HFM1: variants seen among roughly 807,000 people sequenced by gnomAD.
HFM1 encodes probable ATP-dependent DNA helicase HFM1.
Under a neutral mutation model 192.1 loss-of-function variants are expected in HFM1, and 169 were observed. The observed-to-expected ratio is 0.88, with a 90% CI of 0.78 to 1.00. The LOEUF is 1.00. Ranked by LOEUF, HFM1 falls within the 50% of genes least tolerant of loss-of-function variation. HFM1 has a pLI of 0.00. For missense variants in HFM1, 1,661 were observed against 1,668.0 expected, an observed-to-expected ratio of 1.00 and a Z score of 0.07; for synonymous variants, 525 against 537.8, an observed-to-expected ratio of 0.98 and a Z score of 0.33.
At chr1:91,394,066 ATTAT>A (rs1274867897) in intron 4 of HFM1, 23 bp downstream of exon 4, 2 of 1,219,670 alleles carry the variant, frequency 1.6e-6, no homozygotes, top group Non-Finnish European at 1.1e-6. Flanking sequence ...TTCACAGAAT[ATTAT>A]TTAGTTTAAT....
intron 30 of HFM1, among the ~76,000 whole-genome samples, chr1:91,297,295 A>C (rs1181859693): frequency 2.0e-5 from 3 of 152,218 alleles, no homozygotes; most frequent in African/African-American, 7.2e-5. Flanking sequence ...GCAGCCGGGA[A>C]GCTTGAACTG....
chr1:91,367,744 G>C (rs1448231480), intron 13 of HFM1, among the ~76,000 whole-genome samples: 1 of 152,198 alleles, frequency 6.6e-6, no homozygotes, highest in Non-Finnish European at 1.5e-5. Flanking sequence ...ATGGAACACA[G>C]CTGGACGGAG....
intron 30 of HFM1, among the ~76,000 whole-genome samples, chr1:91,310,175 T>C (rs1650227220): frequency 6.6e-6 from 1 of 152,186 alleles, no homozygotes; most frequent in Admixed American, 6.5e-5. Context: ...TATTAGTTTT[T>C]ATGTGTAAAA....
intron 30 of HFM1, among the ~76,000 whole-genome samples, chr1:91,291,298 C>T (rs1024104037): frequency 6.6e-6 from 1 of 152,002 alleles, no homozygotes; most frequent in African/African-American, 2.4e-5. Flanking sequence ...AATTGATAGA[C>T]CGCTAGCAAG....
intron 30 of HFM1, among the ~76,000 whole-genome samples, chr1:91,307,382 A>G (rs1455623577): frequency 6.6e-6 from 1 of 151,972 alleles, no homozygotes; most frequent in African/African-American, 2.4e-5. Flanking sequence ...ACTCTTCTTC[A>G]TTCCCCCCAG....
chr1:91,394,855 T>C (rs1385075821), intron 3 of HFM1, among the ~76,000 whole-genome samples: 1 of 152,040 alleles, frequency 6.6e-6, no homozygotes, highest in Non-Finnish European at 1.5e-5. Flanking sequence ...AAAATCAAAA[T>C]AAAGGAATGT....
chr1:91,386,503 G>A (rs150433499), intron 4 of HFM1, among the ~76,000 whole-genome samples: 15 of 152,314 alleles, frequency 9.8e-5, no homozygotes, highest in African/African-American at 3.6e-4. Flanking sequence ...AGAACTACTA[G>A]CTAAGTTGTT....
intron 13 of HFM1, among the ~76,000 whole-genome samples, chr1:91,356,104 T>C (rs1657694996): frequency 6.6e-6 from 1 of 150,976 alleles, no homozygotes; most frequent in Non-Finnish European, 1.5e-5. Flanking sequence ...CACAAGTATG[T>C]GGAAACTAAA....
intron 34 of HFM1, among the ~76,000 whole-genome samples, chr1:91,270,269 T>C (rs1388822212): frequency 6.6e-6 from 1 of 152,058 alleles, no homozygotes; most frequent in Non-Finnish European, 1.5e-5. Context: ...TATTTACATG[T>C]GGGGTGAGCT....
rs1164432226 is a variant in HFM1 at position 91,319,401 on chromosome 1, GA to G, written c.2583-12del. The G allele has an allele frequency of 1.6e-5, 25 of 1,556,892 alleles. No individual in the cohort carries two copies. Among genetic ancestry groups the G allele is most frequent in the South Asian group, 4.5e-5 (4 of 89,264 alleles). On this transcript the variant is annotated splice_polypyrimidine_tract_variant and intron_variant, in intron 23 of 38. Transcript: ENST00000370425. ...TGAGCCTGAATAAGACTGGGGGAAA[GA>G]AAAAAAATTGTTACTCCCTTTTAAG... is the stretch of plus-strand genomic sequence containing the variant.
chr1:91,350,708 T>C, intron 18 of HFM1, 30 bp downstream of exon 18: 1 of 1,606,104 alleles, frequency 6.2e-7, no homozygotes, highest in Non-Finnish European at 8.5e-7. Flanking sequence ...CTTGAAAAAA[T>C]TACTACTTTT....
At chr1:91,404,856 C>T (rs746586906), upstream of HFM1, 54 of 455,306 alleles carry the variant, frequency 1.2e-4, no homozygotes, top group Non-Finnish European at 2.2e-4. Context: ...CTCTGAGGAC[C>T]GCCAAGCCTG....
chr1:91,407,316 C>T (rs1664847541), upstream of HFM1, among the ~76,000 whole-genome samples: 1 of 151,948 alleles, frequency 6.6e-6, no homozygotes. Context: ...TGTAACAAAC[C>T]TGCACGTTGT....
At position 91,350,968 on chromosome 1, in the gene HFM1, A is replaced by C. The variant is rs957402752; in HGVS notation, c.2073-97T>G. 1.1e-5 allele frequency: 10 copies of C among 924,174 alleles called. No individual in the cohort carries two copies. The South Asian group carries it at 2.5e-4, about 23-fold the overall frequency. 57.2% of individuals were successfully genotyped at this position (924,174 alleles called of 1,614,324 possible). ...TATAGAATATACCCATTGCTACTTT[A>C]CTAATTCATGAAATATAACTTAATT... is the stretch of plus-strand genomic sequence containing the variant. On this transcript the variant is annotated intron_variant, in intron 17 of 38. Transcript: ENST00000370425.
intron 4 of HFM1, 66 bp downstream of exon 4, chr1:91,394,027 A>G: frequency 1.1e-6 from 1 of 880,178 alleles, no homozygotes. Context: ...CATATTTAAT[A>G]CTTTTATATG....
chr1:91,286,937 A>G (rs1007158183), intron 30 of HFM1, among the ~76,000 whole-genome samples: 3 of 152,220 alleles, frequency 2.0e-5, no homozygotes, highest in Admixed American at 1.3e-4. Context: ...CCACCCGAAT[A>G]CTGCGCTTTT....
chr1:91,380,881 G>C lies in HFM1; in HGVS notation c.873+31C>G, dbSNP rs374896518. 10 of 1,051,122 alleles carry C rather than the reference G, an allele frequency of 9.5e-6. No individual in the cohort carries two copies. In the African/African-American group the frequency reaches 9.6e-5, roughly 10 times the overall value. The allele number at this position is 1,051,122 out of a possible 1,614,324, so 65.1% of individuals were successfully genotyped here. On this transcript the variant is annotated intron_variant, in intron 7 of 38. Transcript: ENST00000370425. ...AGTGATCATAACCTAGTGAAAGGTA[G>C]AAAAATAAATAAGTAAAATAAAATA...
intron 7 of HFM1, among the ~76,000 whole-genome samples, 160 bp from the exon 8 acceptor site, chr1:91,380,396 T>C (rs1661415865): frequency 6.6e-6 from 1 of 152,138 alleles, no homozygotes; most frequent in South Asian, 2.1e-4. Flanking sequence ...GAGCCTCCAC[T>C]CTCGAAAAAT....
chr1:91,330,495 A>G (rs1252923501), intron 20 of HFM1, among the ~76,000 whole-genome samples: 1 of 152,152 alleles, frequency 6.6e-6, no homozygotes, highest in Non-Finnish European at 1.5e-5. Flanking sequence ...AAGTAATGAG[A>G]TTGAAACCAT....
Sources: allele counts gnomAD v4.1 joint callset (sites outside exome capture counted in the v4.1 genomes callset), GRCh38; gene constraint gnomAD v4.1.1; transcripts MANE v1.5; gene names NCBI Gene and HGNC (gene_info 2026-07-23, HGNC 2026-07-21).